PCDHGA8: variants seen among roughly 807,000 people sequenced by gnomAD.
PCDHGA8 encodes the protein protocadherin gamma subfamily A, 8, also known as protocadherin gamma-A8.
In PCDHGA8, 45 loss-of-function variants were observed where a neutral mutation model predicts 59.2. That is an observed-to-expected ratio of 0.76 (90% CI 0.60 to 0.98). The LOEUF is 0.98. Ranked by LOEUF, PCDHGA8 falls within the 50% of genes least tolerant of loss-of-function variation. The pLI, the probability that PCDHGA8 is intolerant of heterozygous loss-of-function variation, is 0.00. For missense variants in PCDHGA8, 1,257 were observed against 1,196.2 expected (o/e 1.05, Z -0.75); for synonymous variants, 531 against 519.0 (o/e 1.02, Z -0.32).
In PCDHGA8 at chr5:141,431,243, A is replaced by G; in HGVS notation, c.2424+36006A>G. 1 of 1,614,154 alleles carries G rather than the reference A, an allele frequency of 6.2e-7. No homozygotes were observed. Among genetic ancestry groups the G allele is most frequent in the Non-Finnish European group, 8.5e-7 (1 of 1,180,034 alleles). ...TCTACCCCACGCCTGGGATCCGGAT[A>G]TCGGGAAGAACTCTCTGCAGAGCTA... On this transcript the variant is annotated intron_variant, in intron 1 of 3. Coordinates refer to ENST00000398604, the MANE Select transcript of PCDHGA8 (RefSeq NM_032088.2). This position sits in a 1 kb window ranked among gnomAD's most constrained non-coding sequence, Gnocchi z 4.8.
intron 1 of PCDHGA8, among the ~76,000 whole-genome samples, chr5:141,466,558 C>T (rs1407160827): frequency 6.6e-6 from 1 of 152,120 alleles, no homozygotes; most frequent in Non-Finnish European, 1.5e-5. Flanking sequence ...CTGTGGGCTT[C>T]ATCTTCAACA....
intron 1 of PCDHGA8, among the ~76,000 whole-genome samples, chr5:141,437,886 C>A (rs763669578): frequency 6.6e-6 from 1 of 152,022 alleles, no homozygotes; most frequent in Non-Finnish European, 1.5e-5. Flanking sequence ...TACAGGCACA[C>A]GCCACCACAC....
intron 1 of PCDHGA8, chr5:141,416,991 T>A (rs1052950610): frequency 2.0e-5 from 3 of 151,906 alleles, no homozygotes; most frequent in Non-Finnish European, 4.4e-5. Context: ...TTATTGTGCA[T>A]TCATCTCAAA....
chr5:141,478,326 C>T, intron 1 of PCDHGA8: 1 of 1,613,950 alleles, frequency 6.2e-7, no homozygotes, highest in Admixed American at 1.7e-5. Flanking sequence ...CTGTACCGAA[C>T]ACCAGGGCCC....
intron 1 of PCDHGA8, chr5:141,410,641 T>G: frequency 6.3e-7 from 1 of 1,599,146 alleles, no homozygotes. Context: ...CTTTTTTGTG[T>G]GTGATTTATC....
intron 1 of PCDHGA8, chr5:141,400,388 A>C: frequency 1.9e-6 from 3 of 1,614,066 alleles, no homozygotes; most frequent in Non-Finnish European, 2.5e-6. Context: ...TGTGTTGCAC[A>C]TACAGGAAAG....
At position 141,438,276 on chromosome 5, in the gene PCDHGA8, ATAATT is replaced by A. The variant is rs533892835; in HGVS notation, c.2424+43044_2424+43048del. ...TGAAGAGACCATAGAATCAAACAAA[ATAATT>A]TAATCTGTATGTAAAAGAAGTTGGT... On this transcript the variant is annotated intron_variant, in intron 1 of 3. Coordinates refer to ENST00000398604, the MANE Select transcript of PCDHGA8 (RefSeq NM_032088.2). 1.4e-3 allele frequency among the ~76,000 whole-genome samples: 213 copies of A among 152,246 alleles called. 1 individual carries two copies. The highest frequency in any genetic ancestry group is 4.8e-3 in the African/African-American group (199 of 41,534).
intron 1 of PCDHGA8, among the ~76,000 whole-genome samples, chr5:141,439,530 C>T (rs1003383726): frequency 6.6e-6 from 1 of 152,180 alleles, no homozygotes; most frequent in Non-Finnish European, 1.5e-5. Flanking sequence ...CTCTACAGAA[C>T]GCTGTCCTCT....
At chr5:141,472,980 C>CAA (rs60579131) in intron 1 of PCDHGA8, among the ~76,000 whole-genome samples, 188 of 86,094 alleles carry the variant, frequency 2.2e-3, no homozygotes, top group Non-Finnish European at 3.2e-3. Flanking sequence ...GAGTGAAACT[C>CAA]AAAAAAAAAA....
chr5:141,440,997 A>G (rs1191545127), intron 1 of PCDHGA8: 1 of 152,178 alleles, frequency 6.6e-6, no homozygotes, highest in East Asian at 1.9e-4. Context: ...ACCCATATCT[A>G]GTTTGGCCTT....
In PCDHGA8 at chr5:141,432,611, T is replaced by G. The variant is rs141541670; in HGVS notation, c.2424+37374T>G. The G allele has an allele frequency of 4.2e-4, 676 of 1,613,808 alleles. 1 individual carries two copies. The African/African-American group carries it at 5.6e-3, about 13-fold the overall frequency. On this transcript the variant is annotated intron_variant, in intron 1 of 3. Coordinates refer to ENST00000398604, the MANE Select transcript of PCDHGA8 (RefSeq NM_032088.2). This position sits in a 1 kb window ranked among gnomAD's most constrained non-coding sequence, Gnocchi z 6.0. ...CAAGGCCAGCGAGCCGGGACTCTTC[T>G]CGGTGGGTCTGCACACGGGCGAGGT...
At chr5:141,409,396 C>A in intron 1 of PCDHGA8, 1 of 1,614,004 alleles carries the variant, frequency 6.2e-7, no homozygotes, top group Non-Finnish European at 8.5e-7. Flanking sequence ...ATTCTTCTTC[C>A]AATAACTACT....
chr5:141,478,204 T>C (rs775367944), intron 1 of PCDHGA8: 7 of 1,613,950 alleles, frequency 4.3e-6, no homozygotes, highest in Middle Eastern at 1.6e-4. Context: ...ATCTACTTCT[T>C]TCTCTAATCC....
intron 1 of PCDHGA8, among the ~76,000 whole-genome samples, chr5:141,462,479 GGTT>G (rs1329069527): frequency 6.6e-6 from 1 of 151,838 alleles, no homozygotes; most frequent in Non-Finnish European, 1.5e-5. Flanking sequence ...TGCTTCTCGT[GGTT>G]GTTGTATCCT....
chr5:141,432,935 C>T lies in PCDHGA8; in HGVS notation c.2424+37698C>T. The T allele has an allele frequency of 4.3e-6, 7 of 1,614,218 alleles. No homozygotes were observed. The highest frequency in any genetic ancestry group is 5.1e-6 in the Non-Finnish European group (6 of 1,180,046). On this transcript the variant is annotated intron_variant, in intron 1 of 3. Transcript: ENST00000398604. This position sits in a 1 kb window ranked among gnomAD's most constrained non-coding sequence, Gnocchi z 6.0. The stretch of plus-strand genomic sequence containing the variant: ...GCGCTGGCACAAGTCACGCCTGCTG[C>T]AGGCTTCAGGAGGCGGCTTGACAGG...
intron 2 of PCDHGA8, among the ~76,000 whole-genome samples, chr5:141,503,222 G>A (rs540244346): frequency 2.2e-4 from 34 of 152,120 alleles, no homozygotes; most frequent in African/African-American, 7.7e-4. Context: ...CATGAGCACC[G>A]TAAAGATGGA....
chr5:141,483,168 C>A (rs750259590), intron 1 of PCDHGA8, among the ~76,000 whole-genome samples: 3 of 152,104 alleles, frequency 2.0e-5, no homozygotes, highest in Non-Finnish European at 4.4e-5. Context: ...CCTGAGTTAC[C>A]TTTGGGCCAA....
At chr5:141,423,927 T>G (rs2096791636) in intron 1 of PCDHGA8, 4 of 1,240,434 alleles carry the variant, frequency 3.2e-6, no homozygotes, top group Non-Finnish European at 4.1e-6. Flanking sequence ...TATGCTGGTT[T>G]GGTTTGAAGT....
Position 141,476,369 on chromosome 5 carries a change from G to A in PCDHGA8, c.2425-18438G>A, listed in dbSNP as rs1178923246. 1.9e-6 allele frequency: 3 copies of A among 1,614,098 alleles called. No homozygotes were observed. The African/African-American group carries it at 4.0e-5, about 22-fold the overall frequency. ...CTTTGAGGTGAACCGGGAGACCGGA[G>A]AGATGTTTGTGAACGACCGTCTGGA... On this transcript the variant is annotated intron_variant, in intron 1 of 3. Transcript: ENST00000398604. This position sits in a 1 kb window ranked among gnomAD's most constrained non-coding sequence, Gnocchi z 7.6.
Sources: allele counts gnomAD v4.1 joint callset (sites outside exome capture counted in the v4.1 genomes callset), GRCh38; gene constraint gnomAD v4.1.1; non-coding constraint Gnocchi (gnomAD v3.1); transcripts MANE v1.5; gene names NCBI Gene and HGNC (gene_info 2026-07-23, HGNC 2026-07-21).